ANKRD44: variants seen among roughly 807,000 people sequenced by gnomAD.
ANKRD44 encodes ankyrin repeat domain 44.
In ANKRD44, 35 loss-of-function variants were observed where a neutral mutation model predicts 116.0. The observed-to-expected ratio is 0.30, with a 90% confidence interval of 0.23 to 0.40. The LOEUF (loss-of-function observed/expected upper bound fraction) is 0.40, where lower values mean the gene tolerates loss of function less well. ANKRD44 is among the 10% of genes least tolerant of loss of function. ANKRD44 has a pLI of 1.00. For missense variants in ANKRD44, 1,014 were observed against 1,242.6 expected, an observed-to-expected ratio of 0.82 and a Z score of 2.77; for synonymous variants, 435 against 461.8, an observed-to-expected ratio of 0.94 and a Z score of 0.74.
chr2:197,004,384 C>A (rs2076166735), intron 21 of ANKRD44, among the ~76,000 whole-genome samples: 2 of 152,094 alleles, frequency 1.3e-5, no homozygotes, highest in African/African-American at 4.8e-5. Context: ...ACATTCATAT[C>A]ATTAAACATT....
chr2:196,992,016 T>G (rs954650789), intron 27 of ANKRD44, among the ~76,000 whole-genome samples: 5 of 152,216 alleles, frequency 3.3e-5, no homozygotes, highest in African/African-American at 1.2e-4. Context: ...ACTCAATGGA[T>G]CCAATCCAGA....
Position 197,106,369 on chromosome 2 carries a change from C to T in ANKRD44, c.985+4397G>A, listed in dbSNP as rs558301357. On this transcript the variant is annotated intron_variant, in intron 9 of 27. Transcript: ENST00000282272. ...CTGAGGCAGGGGAATTTCTTCAACCCGGGAGGCAGAGATAGCAGTGAGCCG... is the reference window on the plus strand; with the variant it reads ...CTGAGGCAGGGGAATTTCTTCAACCTGGGAGGCAGAGATAGCAGTGAGCCG... Among the ~76,000 whole-genome samples, 88 of 152,134 alleles carry T rather than the reference C, an allele frequency of 5.8e-4. 1 individual carries two copies. Among genetic ancestry groups the T allele is most frequent in the African/African-American group, 1.8e-3 (74 of 41,476 alleles).
At chr2:197,161,177 G>C (rs10497803) in intron 2 of ANKRD44, among the ~76,000 whole-genome samples, 98,172 of 151,972 alleles carry the variant, frequency 0.65, 34,795 homozygotes, top group East Asian at 0.95. Flanking sequence ...CTTCATTACA[G>C]ATTGACACGA....
chr2:197,183,528 T>A lies in ANKRD44; in HGVS notation c.111+3495A>T, dbSNP rs115003406. Among the ~76,000 whole-genome samples, 1,172 of 152,272 alleles carry A rather than the reference T, an allele frequency of 7.7e-3. 13 individuals are homozygous for A. Among genetic ancestry groups the A allele is most frequent in the African/African-American group, 0.027 (1,103 of 41,548 alleles). On this transcript the variant is annotated intron_variant, in intron 2 of 27. Coordinates refer to ENST00000282272, the MANE Select transcript of ANKRD44 (RefSeq NM_001195144.2). ...TTCTTAACAACCACTTCTCTTAAAC[T>A]ACCTAATCCACCCCCAGCAAAAATA... is the stretch of plus-strand genomic sequence containing the variant.
chr2:197,237,645 G>C (rs539938168), intron 1 of ANKRD44, among the ~76,000 whole-genome samples: 1 of 152,154 alleles, frequency 6.6e-6, no homozygotes, highest in Non-Finnish European at 1.5e-5. Context: ...CACTACAAAA[G>C]AGAATCGCGC....
Position 196,971,491 on chromosome 2 carries a change from G to C in ANKRD44, c.2369-4045C>G, listed in dbSNP as rs574482325. On this transcript the variant is annotated intron_variant, in intron 21 of 21. Coordinates refer to the ANKRD44 transcript ENST00000424317. ...CGTGCCTTAGTCTCCTGAGTAGCTGGGAGTACCGGCATGTGCCACCATGCC... is the reference window on the plus strand; with the variant it reads ...CGTGCCTTAGTCTCCTGAGTAGCTGCGAGTACCGGCATGTGCCACCATGCC... Among the ~76,000 whole-genome samples the C allele has an allele frequency of 5.9e-5, 9 of 152,208 alleles. No individual in the cohort carries two copies. The South Asian group carries it at 1.9e-3, about 32-fold the overall frequency.
In ANKRD44 at chr2:196,987,260, T is replaced by G; in HGVS notation, c.*2331A>C. The G allele has an allele frequency of 1.0e-6, 1 of 984,960 alleles. No individual in the cohort carries two copies. The highest frequency in any genetic ancestry group is 1.2e-6 in the Non-Finnish European group (1 of 829,472). 61.0% of individuals were successfully genotyped at this position (984,960 alleles called of 1,614,324 possible). ...ATAGAAAACTTAAGCATTTTCATAT[T>G]CATTTCAATGCAAGTACAAGGGGAA... On this transcript the variant is annotated 3_prime_UTR_variant, in exon 28 of 28. Coordinates refer to ENST00000282272, the MANE Select transcript of ANKRD44 (RefSeq NM_001195144.2).
intron 9 of ANKRD44, among the ~76,000 whole-genome samples, chr2:197,100,819 T>C (rs997681285): frequency 2.0e-5 from 3 of 152,194 alleles, no homozygotes; most frequent in African/African-American, 7.2e-5. Context: ...AATATAGTAT[T>C]GTCATTATGT....
intron 3 of ANKRD44, among the ~76,000 whole-genome samples, chr2:197,140,801 T>C (rs2079344152): frequency 1.3e-5 from 2 of 152,210 alleles, no homozygotes; most frequent in Non-Finnish European, 2.9e-5. Context: ...GACATCTCTG[T>C]CTATTACCTT....
At chr2:197,030,496 A>G (rs983698511) in intron 16 of ANKRD44, among the ~76,000 whole-genome samples, 9 of 152,142 alleles carry the variant, frequency 5.9e-5, no homozygotes, top group African/African-American at 2.2e-4. Flanking sequence ...TCTTGAGGCA[A>G]TATTAGTGGG....
intron 1 of ANKRD44, among the ~76,000 whole-genome samples, chr2:197,288,859 G>A (rs912618099): frequency 4.6e-5 from 7 of 152,124 alleles, no homozygotes; most frequent in Non-Finnish European, 1.0e-4. Context: ...TGAAATCATG[G>A]ACCCAGAGGA....
At chr2:197,288,019 CAAA>C (rs10666895) in intron 1 of ANKRD44, among the ~76,000 whole-genome samples, 4 of 81,794 alleles carry the variant, frequency 4.9e-5, no homozygotes, top group Admixed American at 1.5e-4. Flanking sequence ...GACTCAGTCT[CAAA>C]AAAAAAAAAA....
Position 197,083,401 on chromosome 2 carries a change from C to T in ANKRD44, c.1425G>A (p.Leu475=), listed in dbSNP as rs1559048438. The change falls in exon 14 of 28, where the codon TTG becomes TTA. Residue 475 remains leucine (L), a synonymous_variant. Transcript: ENST00000282272. ...NETDDWGRTA[L]HYAAASDMDR... is the part of the protein sequence containing the mutation. ...CCATGTCTGATGCAGCGGCGTAATG[C>T]AAAGCTGTGCGTCCCCAGTCATCTG... 1 of 1,613,744 alleles carries T rather than the reference C, an allele frequency of 6.2e-7. No homozygotes were observed. Among genetic ancestry groups the T allele is most frequent in the East Asian group, 2.2e-5 (1 of 44,878 alleles).
intron 1 of ANKRD44, among the ~76,000 whole-genome samples, chr2:197,202,248 C>T (rs1047112487): frequency 9.9e-5 from 15 of 152,128 alleles, no homozygotes; most frequent in South Asian, 2.1e-4. Context: ...TTAACTGATG[C>T]GCCAGGAGTC....
intron 21 of ANKRD44, among the ~76,000 whole-genome samples, chr2:196,979,554 C>CCTTTTTTTTTTTTTTTTTTTTT (rs2075785197): frequency 1.7e-5 from 1 of 59,634 alleles, no homozygotes; most frequent in African/African-American, 6.4e-5. Flanking sequence ...AATAAGATGA[C>CCTTTTTTTTTTTTTTTTTTTTT]TTTTTTTTTT....
intron 2 of ANKRD44, among the ~76,000 whole-genome samples, chr2:197,147,376 T>A (rs915801575): frequency 6.6e-6 from 1 of 151,146 alleles, no homozygotes; most frequent in Middle Eastern, 3.2e-3. Flanking sequence ...TGGATCATTA[T>A]GCCCTGGATG....
At chr2:197,244,899 T>C (rs1486878701) in intron 1 of ANKRD44, among the ~76,000 whole-genome samples, 2 of 152,226 alleles carry the variant, frequency 1.3e-5, no homozygotes, top group African/African-American at 2.4e-5. Flanking sequence ...GCCCTCCATA[T>C]GATGGGTTCT....
rs1030562198 is a variant in ANKRD44, at chr2:197,053,887, T to C, written c.1650+24816A>G. ...AATCTCACCCATTATTACCTACTTA[T>C]ATAATTGGCTGTGTTGCATGTTGCT... On this transcript the variant is annotated intron_variant, in intron 16 of 27. Coordinates refer to ENST00000282272, the MANE Select transcript of ANKRD44 (RefSeq NM_001195144.2). Among the ~76,000 whole-genome samples the C allele has an allele frequency of 4.9e-4, 75 of 152,248 alleles. 1 individual carries two copies. The highest frequency in any genetic ancestry group is 1.8e-3 in the African/African-American group (74 of 41,460).
At chr2:197,225,548 T>C (rs143194948) in intron 1 of ANKRD44, among the ~76,000 whole-genome samples, 54 of 152,320 alleles carry the variant, frequency 3.5e-4, no homozygotes, top group African/African-American at 1.2e-3. Context: ...TTCACCATGA[T>C]GGCCAGGCTG....
Sources: allele counts gnomAD v4.1 joint callset (sites outside exome capture counted in the v4.1 genomes callset), GRCh38; gene constraint gnomAD v4.1.1; transcripts MANE v1.5; gene names NCBI Gene and HGNC (gene_info 2026-07-23, HGNC 2026-07-21).